TJP1: variants seen among roughly 807,000 people sequenced by gnomAD.
The protein encoded by TJP1 is tight junction protein 1.
Under a neutral mutation model 194.2 loss-of-function variants are expected in TJP1, and 43 were observed. That is an observed-to-expected ratio of 0.22 (90% confidence interval 0.17 to 0.29). TJP1 has a LOEUF of 0.29. Among genes scored for constraint, TJP1 ranks in the 10% least tolerant of loss-of-function variants. The pLI is 1.00. For synonymous variants in TJP1, 801 were observed against 779.0 expected, an observed-to-expected ratio of 1.03 and a Z score of -0.47; for missense variants, 1,971 against 2,185.7, an observed-to-expected ratio of 0.90 and a Z score of 1.96.
intron 2 of TJP1, among the ~76,000 whole-genome samples, chr15:29,954,697 T>C (rs1044995485): frequency 6.6e-5 from 10 of 152,214 alleles, no homozygotes; most frequent in Non-Finnish European, 1.2e-4. Flanking sequence ...CAAGAACATT[T>C]TAAGGTAAAA....
intron 2 of TJP1, among the ~76,000 whole-genome samples, chr15:29,869,715 A>AAGGGTCT (rs905213379): frequency 1.8e-4 from 27 of 150,922 alleles, no homozygotes; most frequent in African/African-American, 6.3e-4. Flanking sequence ...TCCACCTGCC[A>AAGGGTCT]AGGGTCTGTG....
rs570603069 is a variant in TJP1 at position 29,711,426 on chromosome 15, C to T, written c.4203-426G>A. 9.2e-5 allele frequency among the ~76,000 whole-genome samples: 14 copies of T among 152,214 alleles called. No individual in the cohort carries two copies. The South Asian group carries it at 2.7e-3, about 29-fold the overall frequency. ...TGTCGCCCAGACTGGAGTGCAGTGG[C>T]GCGATCTCAGTTTACCACAACCTCT... On this transcript the variant is annotated intron_variant, in intron 23 of 27. Coordinates refer to ENST00000614355, the MANE Select transcript of TJP1 (RefSeq NM_001330239.4).
intron 11 of TJP1, 26 bp downstream of exon 11, chr15:29,737,238 C>A (rs1308232230): frequency 1.4e-5 from 23 of 1,608,324 alleles, no homozygotes; most frequent in Non-Finnish European, 1.9e-5. Flanking sequence ...ACTTTTTAAC[C>A]CACATAAGTT....
intron 8 of TJP1, among the ~76,000 whole-genome samples, chr15:29,747,961 A>C (rs766199864): frequency 6.6e-6 from 1 of 152,208 alleles, no homozygotes; most frequent in Non-Finnish European, 1.5e-5. Context: ...AATGGGACTC[A>C]CACCATTCTA....
chr15:29,700,436 CTG>C lies in TJP1; in HGVS notation c.*1157_*1158del, dbSNP rs1372573832. 1.5e-5 allele frequency: 6 copies of C among 398,788 alleles called. No homozygotes were observed. Among genetic ancestry groups the C allele is most frequent in the Non-Finnish European group, 2.7e-5 (6 of 226,048 alleles). The allele number at this position is 398,788 out of a possible 1,614,324, so 24.7% of individuals were successfully genotyped here. A position where few individuals can be genotyped will look rare whatever the true frequency, so the allele number is the denominator to read the frequency against. On this transcript the variant is annotated 3_prime_UTR_variant, in exon 28 of 28. Coordinates refer to ENST00000614355, the MANE Select transcript of TJP1 (RefSeq NM_001330239.4). Reference sequence around the variant, plus strand: ...TGCAGCACTTAAAAATGTAACAACTCTGTGCATCCTTTTTCTTAAAAAAAATG... The same window carrying C: ...TGCAGCACTTAAAAATGTAACAACTCTGCATCCTTTTTCTTAAAAAAAATG...
At chr15:29,706,400 C>A (rs2041901759) in intron 25 of TJP1, among the ~76,000 whole-genome samples, 2 of 152,056 alleles carry the variant, frequency 1.3e-5, no homozygotes, top group South Asian at 4.1e-4. Context: ...GTGAAGCATC[C>A]CTAACCTGAA....
chr15:29,860,629 A>G (rs541357198), intron 2 of TJP1, among the ~76,000 whole-genome samples: 8 of 152,346 alleles, frequency 5.3e-5, no homozygotes, highest in African/African-American at 1.9e-4. Context: ...TGGGTGAACA[A>G]TAGTATGGAT....
At chr15:29,802,591 T>C (rs1056530030) in intron 1 of TJP1, among the ~76,000 whole-genome samples, 6 of 151,068 alleles carry the variant, frequency 4.0e-5, no homozygotes, top group Non-Finnish European at 5.9e-5. Flanking sequence ...TAAACAAACA[T>C]TGACCGGGAT....
chr15:29,931,574 A>C (rs1439139519), intron 2 of TJP1, among the ~76,000 whole-genome samples: 2 of 152,164 alleles, frequency 1.3e-5, no homozygotes, highest in Non-Finnish European at 2.9e-5. Context: ...TCTGTGTGGA[A>C]TCTGACAGAT....
intron 1 of TJP1, among the ~76,000 whole-genome samples, chr15:29,817,651 G>A (rs2050019850): frequency 6.6e-6 from 1 of 152,154 alleles, no homozygotes; most frequent in African/African-American, 2.4e-5. Context: ...ATACTATGCA[G>A]CCATAAAAAA....
rs1203747033 is a variant in TJP1 at position 29,733,216 on chromosome 15, G to A, written c.1614C>T (p.Asn538=). 2 of 1,614,036 alleles carry A rather than the reference G, an allele frequency of 1.2e-6. No homozygotes were observed. Among genetic ancestry groups the A allele is most frequent in the Non-Finnish European group, 1.7e-6 (2 of 1,179,948 alleles). The change falls in exon 13 of 28, where the codon AAC becomes AAT. Residue 538 remains asparagine, a synonymous_variant. Coordinates refer to ENST00000614355, the MANE Select transcript of TJP1 (RefSeq NM_001330239.4). ...CCACAACACGGAACACCTCTCCTTT[G>A]TTAAAACTAAGTCCATAGGGAGATT... is the stretch of plus-strand genomic sequence containing the variant. ...EKESPYGLSF[N]KGEVFRVVDT...
chr15:29,804,538 T>C (rs757062440), intron 1 of TJP1, among the ~76,000 whole-genome samples: 3 of 152,132 alleles, frequency 2.0e-5, no homozygotes, highest in Non-Finnish European at 2.9e-5. Flanking sequence ...TTTGGAAGAA[T>C]ACCTAAGAAA....
chr15:29,796,337 C>T (rs1410452789), intron 2 of TJP1, among the ~76,000 whole-genome samples: 1 of 143,436 alleles, frequency 7.0e-6, no homozygotes, highest in Non-Finnish European at 1.5e-5. Flanking sequence ...TGCAAGGTTG[C>T]TATAAAAAAA....
At chr15:29,904,260 G>A (rs533925714) in intron 2 of TJP1, among the ~76,000 whole-genome samples, 5 of 152,212 alleles carry the variant, frequency 3.3e-5, no homozygotes, top group African/African-American at 1.2e-4. Flanking sequence ...ACTGCTCTGC[G>A]GAGATGAGAC....
chr15:29,763,069 T>C (rs2151544517), intron 5 of TJP1, among the ~76,000 whole-genome samples: 1 of 152,044 alleles, frequency 6.6e-6, no homozygotes, highest in South Asian at 2.1e-4. Context: ...ATAGACATAC[T>C]CAGAGTACTA....
chr15:29,837,295 T>A (rs540934748), intron 2 of TJP1, among the ~76,000 whole-genome samples: 16 of 152,274 alleles, frequency 1.1e-4, no homozygotes, highest in Admixed American at 9.2e-4. Flanking sequence ...ACTATTTTTT[T>A]AAAAAGTCTT....
intron 1 of TJP1, among the ~76,000 whole-genome samples, chr15:29,811,154 T>C (rs962292034): frequency 4.0e-5 from 6 of 151,878 alleles, no homozygotes; most frequent in African/African-American, 9.7e-5. Flanking sequence ...AAAGATACGA[T>C]GTGGCTAGAG....
At position 29,959,048 on chromosome 15, in the gene TJP1, G is replaced by A. The variant is rs982716042; in HGVS notation, c.174-2684C>T. Among the ~76,000 whole-genome samples, 6 of 150,986 alleles carry A rather than the reference G, an allele frequency of 4.0e-5. No homozygotes were observed. In the South Asian group the frequency reaches 6.3e-4, roughly 16 times the overall value. On this transcript the variant is annotated intron_variant, in intron 1 of 28. Coordinates refer to the TJP1 transcript ENST00000356107. The stretch of plus-strand genomic sequence containing the variant: ...TGTGCCTCCCAGGCTGGAGTGCAGC[G>A]GCGCGATCTCACCTCACTGCAAGCT...
chr15:29,949,936 C>T (rs1426785868), intron 2 of TJP1, among the ~76,000 whole-genome samples: 4 of 52,918 alleles, frequency 7.6e-5, no homozygotes, highest in Non-Finnish European at 9.2e-5. Context: ...CCACCACCAC[C>T]ACCTCCACAA....
Sources: allele counts gnomAD v4.1 joint callset (sites outside exome capture counted in the v4.1 genomes callset), GRCh38; gene constraint gnomAD v4.1.1; transcripts MANE v1.5; gene names NCBI Gene and HGNC (gene_info 2026-07-23, HGNC 2026-07-21).